The following EYS variants were observed in gnomAD, a reference collection of about 807,000 sequenced individuals.
EYS encodes the protein protein eyes shut homolog.
A neutral mutation model predicts 282.1 loss-of-function variants in EYS; 250 were observed. The observed-to-expected ratio is 0.89, with a 90% CI of 0.80 to 0.98. EYS has a LOEUF of 0.98. Ranked by LOEUF, EYS falls within the 50% of genes least tolerant of loss-of-function variation. The pLI is 0.00. For missense variants in EYS, 4,016 were observed against 3,709.0 expected (o/e 1.08, Z -2.15); for synonymous variants, 1,355 against 1,282.9 (o/e 1.06, Z -1.20).
chr6:64,515,335 A>T (rs1254119753), intron 26 of EYS, among the ~76,000 whole-genome samples: 4 of 151,710 alleles, frequency 2.6e-5, no homozygotes, highest in African/African-American at 9.7e-5. Flanking sequence ...AAAAGTAAGT[A>T]AAAGGGAAGG....
At chr6:64,923,805 T>A (rs1406417994) in intron 15 of EYS, among the ~76,000 whole-genome samples, 1 of 152,208 alleles carries the variant, frequency 6.6e-6, no homozygotes, top group African/African-American at 2.4e-5. Context: ...CACATCCATG[T>A]CACACTGGTG....
intron 11 of EYS, chr6:65,330,270 A>C (rs1366334904): frequency 8.4e-6 from 8 of 953,300 alleles, no homozygotes; most frequent in Non-Finnish European, 8.7e-6. Flanking sequence ...TTCAATAAAT[A>C]ATAAATGTAT....
intron 1 of EYS, among the ~76,000 whole-genome samples, chr6:65,680,066 T>C (rs1562324618): frequency 7.0e-6 from 1 of 143,462 alleles, no homozygotes; most frequent in African/African-American, 2.6e-5. Context: ...TATTCATATA[T>C]ATTATGCGCT....
rs141283880 is a variant in EYS, at chr6:63,977,121, T to C, written c.7055+7262A>G. Among the ~76,000 whole-genome samples the C allele has an allele frequency of 3.8e-3, 575 of 151,860 alleles. 4 individuals carry two copies. Among genetic ancestry groups the C allele is most frequent in the African/African-American group, 0.013 (538 of 41,482 alleles). On this transcript the variant is annotated intron_variant, in intron 35 of 42. Transcript: ENST00000503581. ...AATTGTGTAAAGGGCTAAATATTAT[T>C]ATATATTACTGTACATATGCAGTAA...
chr6:64,755,785 T>C (rs1232238040), intron 22 of EYS, among the ~76,000 whole-genome samples: 2 of 152,046 alleles, frequency 1.3e-5, no homozygotes, highest in African/African-American at 4.8e-5. Flanking sequence ...AATTGCCTAA[T>C]GGGCACAATA....
intron 31 of EYS, among the ~76,000 whole-genome samples, chr6:64,172,740 A>T (rs1375016874): frequency 6.6e-6 from 1 of 152,116 alleles, no homozygotes; most frequent in Non-Finnish European, 1.5e-5. Context: ...GTTCAAGGCT[A>T]ATCTAGAATC....
intron 36 of EYS, among the ~76,000 whole-genome samples, chr6:63,813,473 A>G (rs1771099868): frequency 6.6e-6 from 1 of 152,210 alleles, no homozygotes. Flanking sequence ...CTGACAAAAT[A>G]TATGTATGAT....
At chr6:63,951,535 C>T (rs955512682) in intron 35 of EYS, among the ~76,000 whole-genome samples, 2 of 152,108 alleles carry the variant, frequency 1.3e-5, no homozygotes, top group Non-Finnish European at 2.9e-5. Context: ...ACCGACCCAT[C>T]TGACTTCTCC....
chr6:64,536,927 A>G (rs1433809820), intron 26 of EYS, among the ~76,000 whole-genome samples: 1 of 151,920 alleles, frequency 6.6e-6, no homozygotes, highest in Non-Finnish European at 1.5e-5. Flanking sequence ...TTGTCCAAGA[A>G]TCTTTTTTCC....
At chr6:64,632,252 T>G (rs1180769464) in intron 22 of EYS, among the ~76,000 whole-genome samples, 1 of 151,972 alleles carries the variant, frequency 6.6e-6, no homozygotes, top group Non-Finnish European at 1.5e-5. Flanking sequence ...GTGATTTATC[T>G]TCTTTTTTAA....
At chr6:64,545,818 C>T (rs948489788) in intron 26 of EYS, among the ~76,000 whole-genome samples, 31 of 152,108 alleles carry the variant, frequency 2.0e-4, no homozygotes, top group African/African-American at 5.1e-4. Flanking sequence ...TTACAAGGGA[C>T]GTGAAGGACC....
intron 19 of EYS, among the ~76,000 whole-genome samples, chr6:64,853,745 T>C (rs1583224943): frequency 1.3e-5 from 2 of 152,082 alleles, no homozygotes; most frequent in Admixed American, 6.6e-5. Flanking sequence ...AAAGCCAAAA[T>C]TGACAAATGG....
chr6:65,063,050 T>C (rs920253209), intron 12 of EYS, among the ~76,000 whole-genome samples: 10 of 151,974 alleles, frequency 6.6e-5, no homozygotes, highest in African/African-American at 1.9e-4. Context: ...TTTAAATGAA[T>C]TCATGTATTC....
At chr6:65,181,045 C>T (rs911963919) in intron 12 of EYS, among the ~76,000 whole-genome samples, 1 of 152,062 alleles carries the variant, frequency 6.6e-6, no homozygotes, top group Non-Finnish European at 1.5e-5. Flanking sequence ...ACACCTCATA[C>T]AAAAATTAAT....
chr6:64,743,701 G>C (rs1772450461), intron 22 of EYS, among the ~76,000 whole-genome samples: 1 of 152,050 alleles, frequency 6.6e-6, no homozygotes, highest in South Asian at 2.1e-4. Flanking sequence ...CAAAGTTCTG[G>C]AGAAGTTACT....
At chr6:64,193,868 T>C (rs1397611501) in intron 31 of EYS, among the ~76,000 whole-genome samples, 2 of 152,204 alleles carry the variant, frequency 1.3e-5, no homozygotes, top group Non-Finnish European at 2.9e-5. Context: ...CCATGGTGTA[T>C]ATGTGACACA....
intron 26 of EYS, among the ~76,000 whole-genome samples, chr6:64,576,349 C>T (rs966993973): frequency 6.6e-6 from 1 of 151,970 alleles, no homozygotes; most frequent in Non-Finnish European, 1.5e-5. Flanking sequence ...TGAATATATG[C>T]CCAACCCCAG....
At chr6:65,452,601 A>G (rs1764446242) in intron 5 of EYS, among the ~76,000 whole-genome samples, 1 of 152,034 alleles carries the variant, frequency 6.6e-6, no homozygotes, top group Non-Finnish European at 1.5e-5. Flanking sequence ...TAAAATCAAA[A>G]TGTCATTTAG....
chr6:64,279,997 G>A (rs1286326622), intron 30 of EYS, among the ~76,000 whole-genome samples: 1 of 152,020 alleles, frequency 6.6e-6, no homozygotes, highest in Non-Finnish European at 1.5e-5. Context: ...ATGATTCACT[G>A]GACACGGCAG....
Sources: gnomAD v4.1 joint callset for allele counts (sites outside exome capture counted in the v4.1 genomes callset) on GRCh38, gnomAD v4.1.1 for gene constraint, MANE v1.5 for transcripts, NCBI Gene and HGNC (gene_info 2026-07-23, HGNC 2026-07-21) for gene names.